NAALADL2: variants seen among roughly 807,000 people sequenced by gnomAD.
NAALADL2 encodes the protein inactive N-acetylated-alpha-linked acidic dipeptidase-like protein 2.
In NAALADL2, 76 loss-of-function variants were observed where a neutral mutation model predicts 87.2. The observed-to-expected ratio is 0.87, with a 90% CI of 0.72 to 1.05. The LOEUF is 1.05. Among genes scored for constraint, NAALADL2 ranks in the 50% least tolerant of loss-of-function variants. The probability of loss-of-function intolerance (pLI) is 0.00; values close to 1 mark genes in which losing one functional copy is unlikely to be tolerated. For synonymous variants in NAALADL2, 354 were observed against 331.0 expected (o/e 1.07, Z -0.75); for missense variants, 1,089 against 945.8 (o/e 1.15, Z -1.99).
rs892044788 is a variant in NAALADL2, at chr3:175,234,010, C to A, written c.625C>A (p.Leu209Ile). The change falls in exon 3 of 14, where the codon CTA (leucine) becomes ATA (isoleucine). Residue 209 changes from leucine to isoleucine, a missense_variant. Transcript: ENST00000454872. The part of the protein sequence containing the change: ...KIKTQWTSLG[L>I]EDVQFVNYSV... ...TAAGACTCAGTGGACCTCTTTGGGC[C>A]TAGAAGATGTACAGTTTGTAAATTA... The A allele has an allele frequency of 3.7e-6, 6 of 1,613,382 alleles. No individual in the cohort carries two copies. Among genetic ancestry groups the A allele is most frequent in the Admixed American group, 1.7e-5 (1 of 59,946 alleles).
At chr3:174,792,781 C>T (rs776232996) in intron 3 of NAALADL2, among the ~76,000 whole-genome samples, 1 of 152,056 alleles carries the variant, frequency 6.6e-6, no homozygotes, top group African/African-American at 2.4e-5. Context: ...ATTAAGAATA[C>T]GATGCTATTC....
At chr3:175,541,777 C>CA (rs1300752231) in intron 9 of NAALADL2, among the ~76,000 whole-genome samples, 2 of 152,124 alleles carry the variant, frequency 1.3e-5, no homozygotes, top group African/African-American at 2.4e-5. Context: ...GGCTAGAGTG[C>CA]AGTGGCATGA....
chr3:175,524,069 T>C (rs991796594), intron 9 of NAALADL2, among the ~76,000 whole-genome samples: 9 of 152,226 alleles, frequency 5.9e-5, no homozygotes, highest in Non-Finnish European at 1.2e-4. Flanking sequence ...TTTTATGTGT[T>C]GTGGTGCTGT....
chr3:175,458,078 G>A (rs975134930), intron 6 of NAALADL2, among the ~76,000 whole-genome samples: 8 of 151,736 alleles, frequency 5.3e-5, no homozygotes, highest in African/African-American at 1.9e-4. Context: ...TTATTCTTCG[G>A]GTATTTCTTT....
chr3:175,155,278 A>G (rs1732140318), intron 2 of NAALADL2, among the ~76,000 whole-genome samples: 1 of 152,298 alleles, frequency 6.6e-6, no homozygotes, highest in East Asian at 1.9e-4. Context: ...GAAATATTCC[A>G]GGTATTCCTT....
chr3:175,720,568 TTTTCCAATA>T lies in NAALADL2; in HGVS notation c.1897-16735_1897-16727del, dbSNP rs567807788. The stretch of plus-strand genomic sequence containing the variant: ...TATTTGAAGACATAATGGCTGATAA[TTTTCCAATA>T]TTCATTAATGACGTCAATTTTTATT... On this transcript the variant is annotated intron_variant, in intron 11 of 13. Coordinates refer to ENST00000454872, the MANE Select transcript of NAALADL2 (RefSeq NM_207015.3). Among the ~76,000 whole-genome samples the T allele has an allele frequency of 2.0e-3, 300 of 152,132 alleles. 1 individual carries two copies. Among genetic ancestry groups the T allele is most frequent in the African/African-American group, 6.9e-3 (286 of 41,542 alleles).
intron 4 of NAALADL2, among the ~76,000 whole-genome samples, chr3:175,312,852 A>G (rs1283733058): frequency 1.3e-5 from 2 of 152,226 alleles, no homozygotes; most frequent in Non-Finnish European, 2.9e-5. Flanking sequence ...AATTTGACCT[A>G]AAGTTGACTC....
intron 1 of NAALADL2, among the ~76,000 whole-genome samples, chr3:174,989,674 A>G (rs965727104): frequency 6.6e-6 from 1 of 152,194 alleles, no homozygotes; most frequent in African/African-American, 2.4e-5. Context: ...ATGAGTTTAA[A>G]GGCTATAACT....
intron 1 of NAALADL2, among the ~76,000 whole-genome samples, chr3:175,050,419 G>A (rs994632784): frequency 3.9e-5 from 6 of 152,160 alleles, no homozygotes; most frequent in African/African-American, 7.2e-5. Flanking sequence ...GCACCACCAC[G>A]TCTAGCTAAT....
At chr3:174,873,241 A>ATTTG (rs934212564) in intron 1 of NAALADL2, among the ~76,000 whole-genome samples, 1 of 115,160 alleles carries the variant, frequency 8.7e-6, no homozygotes, top group African/African-American at 3.2e-5. Context: ...TTATTTATTT[A>ATTTG]TTTATTTATT....
chr3:175,256,937 A>C (rs1219071837), intron 4 of NAALADL2: 1 of 152,598 alleles, frequency 6.6e-6, no homozygotes, highest in African/African-American at 2.4e-5. Flanking sequence ...CATGTTCTCT[A>C]TGTTAGACAA....
chr3:174,720,934 T>G lies in NAALADL2; in HGVS notation c.-114-16707T>G, dbSNP rs968574887. On this transcript the variant is annotated intron_variant, in intron 2 of 3. Coordinates refer to the NAALADL2 transcript ENST00000434257. ...GCACAAAATGTGTGTTTCCGGTGCTTGACTTTAAAACGATTTTTTACATGA... is the reference window on the plus strand; with the variant it reads ...GCACAAAATGTGTGTTTCCGGTGCTGGACTTTAAAACGATTTTTTACATGA... 1.1e-4 allele frequency among the ~76,000 whole-genome samples: 16 copies of G among 152,346 alleles called. No individual in the cohort carries two copies. In the East Asian group the frequency reaches 2.9e-3, roughly 28 times the overall value.
chr3:175,040,422 T>C, intron 1 of NAALADL2, among the ~76,000 whole-genome samples: 1 of 152,164 alleles, frequency 6.6e-6, no homozygotes, highest in East Asian at 1.9e-4. Flanking sequence ...GGACCTGCAA[T>C]TTAATGTATT....
At chr3:175,788,837 A>T (rs1359397873) in intron 13 of NAALADL2, among the ~76,000 whole-genome samples, 2 of 152,194 alleles carry the variant, frequency 1.3e-5, no homozygotes, top group African/African-American at 4.8e-5. Flanking sequence ...GGAAAATAAA[A>T]CTATATAAAC....
chr3:174,526,060 A>G (rs184756513), intron 1 of NAALADL2, among the ~76,000 whole-genome samples: 6 of 152,352 alleles, frequency 3.9e-5, no homozygotes, highest in Non-Finnish European at 2.9e-5. Context: ...TGCCATGTCT[A>G]TAAGGAGGAT....
intron 1 of NAALADL2, among the ~76,000 whole-genome samples, chr3:174,533,933 G>A (rs1024702773): frequency 6.6e-6 from 1 of 152,060 alleles, no homozygotes; most frequent in Non-Finnish European, 1.5e-5. Context: ...AAGATTATTA[G>A]GAAGTCATGC....
rs182674376 is a variant in NAALADL2, at chr3:175,312,448, T to A, written c.940-11727T>A. 7.4e-3 allele frequency among the ~76,000 whole-genome samples: 1,129 copies of A among 151,876 alleles called. 14 individuals carry two copies. Among genetic ancestry groups the A allele is most frequent in the African/African-American group, 0.026 (1,085 of 41,422 alleles). ...AGGGCTTTGCAAAAATCCAGTTCTT[T>A]TTTTTTTTTAACCATCTAAATAAAC... On this transcript the variant is annotated intron_variant, in intron 4 of 13. Coordinates refer to ENST00000454872, the MANE Select transcript of NAALADL2 (RefSeq NM_207015.3).
intron 2 of NAALADL2, among the ~76,000 whole-genome samples, chr3:174,737,229 G>T (rs1016942627): frequency 2.6e-5 from 4 of 152,202 alleles, no homozygotes; most frequent in South Asian, 2.1e-4. Flanking sequence ...CAGATTCCTG[G>T]GCTTAAGCAA....
chr3:174,837,079 T>G (rs1723418969), intron 3 of NAALADL2, among the ~76,000 whole-genome samples: 1 of 151,884 alleles, frequency 6.6e-6, no homozygotes, highest in Non-Finnish European at 1.5e-5. Context: ...AAGGTCACAC[T>G]TAAGGAACTA....
Sources: allele counts gnomAD v4.1 joint callset (sites outside exome capture counted in the v4.1 genomes callset), GRCh38; gene constraint gnomAD v4.1.1; transcripts MANE v1.5; gene names NCBI Gene and HGNC (gene_info 2026-07-23, HGNC 2026-07-21).